The following CD2AP variants were observed in gnomAD, a reference collection of about 807,000 sequenced individuals.
CD2AP encodes the protein CD2 associated protein.
In CD2AP, 46 loss-of-function variants were observed where a neutral mutation model predicts 85.1. The observed-to-expected ratio is 0.54, with a 90% confidence interval of 0.43 to 0.69. CD2AP has a LOEUF of 0.69. CD2AP is among the 30% of genes least tolerant of loss of function. The pLI is 0.00. For synonymous variants in CD2AP, 255 were observed against 252.9 expected (o/e 1.01, Z -0.08); for missense variants, 769 against 729.5 (o/e 1.05, Z -0.62).
chr6:47,482,745 A>G (rs9395261), intron 1 of CD2AP, among the ~76,000 whole-genome samples: 144,942 of 152,282 alleles, frequency 0.95, 69,369 homozygotes, highest in East Asian at 1. Context: ...TAATTTTTAA[A>G]ACATTTAAAA....
chr6:47,613,433 T>C (rs1450172857), intron 17 of CD2AP, among the ~76,000 whole-genome samples: 1 of 152,176 alleles, frequency 6.6e-6, no homozygotes, highest in Non-Finnish European at 1.5e-5. Flanking sequence ...AACATTAATC[T>C]CCTTGTTCAT....
Position 47,608,004 on chromosome 6 carries a change from A to G in CD2AP, c.1608A>G (p.Lys536=), listed in dbSNP as rs749991918. The G allele has an allele frequency of 3.1e-6, 5 of 1,612,566 alleles. No individual in the cohort carries two copies. Among genetic ancestry groups the G allele is most frequent in the Non-Finnish European group, 4.2e-6 (5 of 1,178,818 alleles). ...DSANLKPSEL[K]KDTCYSPKPS... is the part of the protein sequence containing the mutation. ...CCAACCTGAAGCCATCTGAATTAAA[A>G]AAAGATACATGCTACTCTCCAAAGG... is the stretch of plus-strand genomic sequence containing the variant. Residue 536 remains lysine, a synonymous_variant, in exon 15 of 18, where the codon AAA becomes AAG. Coordinates refer to ENST00000359314, the MANE Select transcript of CD2AP (RefSeq NM_012120.3).
At chr6:47,487,604 G>A (rs12200115) in intron 1 of CD2AP, among the ~76,000 whole-genome samples, 6,682 of 152,182 alleles carry the variant, frequency 0.044, 210 homozygotes, top group Non-Finnish European at 0.073. Flanking sequence ...GCAGGAGAAT[G>A]GCATGAACCC....
intron 5 of CD2AP, among the ~76,000 whole-genome samples, chr6:47,559,285 G>C (rs1767784520): frequency 6.7e-6 from 1 of 149,576 alleles, no homozygotes; most frequent in Admixed American, 6.6e-5. Flanking sequence ...TAACAGGCAG[G>C]GTTTCACTTT....
intron 4 of CD2AP, among the ~76,000 whole-genome samples, chr6:47,554,207 G>C (rs1322512213): frequency 1.3e-5 from 2 of 152,008 alleles, no homozygotes; most frequent in Non-Finnish European, 2.9e-5. Context: ...CACCGTGCCT[G>C]GCCAGGAAGT....
intron 3 of CD2AP, among the ~76,000 whole-genome samples, chr6:47,544,349 A>T (rs1338571770): frequency 1.3e-5 from 2 of 152,086 alleles, no homozygotes; most frequent in Admixed American, 6.6e-5. Flanking sequence ...GGTAATGGGT[A>T]TTTGGATATT....
At chr6:47,558,401 G>A (rs1358171212) in intron 5 of CD2AP, among the ~76,000 whole-genome samples, 3 of 152,060 alleles carry the variant, frequency 2.0e-5, no homozygotes, top group Non-Finnish European at 4.4e-5. Flanking sequence ...GTCTTGTGCC[G>A]GTTTTCACAG....
At chr6:47,540,218 A>G (rs996171053) in intron 3 of CD2AP, among the ~76,000 whole-genome samples, 1 of 151,080 alleles carries the variant, frequency 6.6e-6, no homozygotes, top group Non-Finnish European at 1.5e-5. Flanking sequence ...TACTAGTTAC[A>G]GTGTTTTTTT....
intron 2 of CD2AP, among the ~76,000 whole-genome samples, chr6:47,510,800 C>T (rs887196747): frequency 4.6e-5 from 7 of 151,906 alleles, no homozygotes; most frequent in South Asian, 2.1e-4. Flanking sequence ...TGGGGCCGGG[C>T]GCGGTGGCTC....
At chr6:47,545,754 A>AT (rs1562025378) in intron 4 of CD2AP, among the ~76,000 whole-genome samples, 1 of 152,186 alleles carries the variant, frequency 6.6e-6, no homozygotes, top group Admixed American at 6.5e-5. Context: ...CTGTGGCAGA[A>AT]GAGAGATAAT....
intron 2 of CD2AP, among the ~76,000 whole-genome samples, chr6:47,515,608 G>C (rs1766432809): frequency 6.6e-6 from 1 of 152,148 alleles, no homozygotes; most frequent in Non-Finnish European, 1.5e-5. Context: ...ATGAAAAAAT[G>C]CATCTATGGT....
At chr6:47,559,205 T>C (rs1281029007) in intron 5 of CD2AP, among the ~76,000 whole-genome samples, 1 of 152,066 alleles carries the variant, frequency 6.6e-6, no homozygotes, top group Non-Finnish European at 1.5e-5. Context: ...GTCTATTTGA[T>C]TCTTCTCTCT....
At chr6:47,502,311 CTTTT>C (rs563351095) in intron 1 of CD2AP, among the ~76,000 whole-genome samples, 62 of 146,652 alleles carry the variant, frequency 4.2e-4, no homozygotes, top group Middle Eastern at 3.5e-3. Flanking sequence ...TTTTCATTAT[CTTTT>C]TTTTTTTTAT....
At chr6:47,505,285 C>T (rs1345968541) in intron 2 of CD2AP, among the ~76,000 whole-genome samples, 2 of 148,046 alleles carry the variant, frequency 1.4e-5, no homozygotes, top group Non-Finnish European at 3.0e-5. Context: ...CTTGCACCGC[C>T]CTTAATCCAT....
At chr6:47,624,145 AG>A (rs766390153) in intron 17 of CD2AP, 40 bp from the exon 18 acceptor site, 2 of 1,466,118 alleles carry the variant, frequency 1.4e-6, no homozygotes, top group Non-Finnish European at 1.9e-6. Context: ...TACTAAACTA[AG>A]GATATTTTAT....
Position 47,589,566 on chromosome 6 carries a change from A to ACATATATATATATATATT in CD2AP, c.1109-6295_1109-6294insCATATATATATATATATT, listed in dbSNP as rs397726688. Reference sequence around the variant, plus strand: ...CACATATATATACACACACACACACATATATATATATATATTTGTCAGAGT... The same window carrying ACATATATATATATATATT: ...CACATATATATACACACACACACACACATATATATATATATATTTATATATATATATATTTGTCAGAGT... On this transcript the variant is annotated intron_variant, in intron 11 of 17. Transcript: ENST00000359314. Among the ~76,000 whole-genome samples, 21 of 34,620 alleles carry ACATATATATATATATATT rather than the reference A, an allele frequency of 6.1e-4. No homozygotes were observed. The South Asian group carries it at 0.018, about 29-fold the overall frequency. 22.7% of individuals were successfully genotyped at this position (34,620 alleles called of 152,430 possible). A position where few individuals can be genotyped will look rare whatever the true frequency, so the allele number is the denominator to read the frequency against.
chr6:47,591,861 T>A (rs1334451375), intron 11 of CD2AP, among the ~76,000 whole-genome samples: 1 of 152,180 alleles, frequency 6.6e-6, no homozygotes, highest in Non-Finnish European at 1.5e-5. Flanking sequence ...AGGGTCTCAC[T>A]CTGTTGCCCA....
intron 16 of CD2AP, among the ~76,000 whole-genome samples, chr6:47,611,369 T>C (rs1769434021): frequency 9.0e-6 from 1 of 111,026 alleles, no homozygotes; most frequent in African/African-American, 3.1e-5. Context: ...ATAAAACTTT[T>C]TCTATGGAAG....
At chr6:47,561,472 CTT>C (rs200178991) in intron 5 of CD2AP, among the ~76,000 whole-genome samples, 4 of 145,094 alleles carry the variant, frequency 2.8e-5, no homozygotes, top group East Asian at 2.0e-4. Flanking sequence ...TCAAGGCAAA[CTT>C]TTTTTTTTTT....
Sources: gnomAD v4.1 joint callset for allele counts (sites outside exome capture counted in the v4.1 genomes callset) on GRCh38, gnomAD v4.1.1 for gene constraint, MANE v1.5 for transcripts, NCBI Gene and HGNC (gene_info 2026-07-23, HGNC 2026-07-21) for gene names.